FGR: variants seen among roughly 807,000 people sequenced by gnomAD.
The protein encoded by FGR is tyrosine-protein kinase Fgr.
Under a neutral mutation model 63.2 loss-of-function variants are expected in FGR, and 26 were observed. The ratio of observed to expected loss-of-function variants is 0.41; its 90% confidence interval spans 0.30 to 0.57. The LOEUF (loss-of-function observed/expected upper bound fraction) is 0.57, where lower values mean the gene tolerates loss of function less well. Among genes scored for constraint, FGR ranks in the 20% least tolerant of loss-of-function variants. FGR has a pLI of 0.27. For missense variants in FGR, 511 were observed against 690.8 expected, an observed-to-expected ratio of 0.74 and a Z score of 2.92; for synonymous variants, 286 against 277.7, an observed-to-expected ratio of 1.03 and a Z score of -0.30.
chr1:27,634,375 C>G (rs1193698399), intron 1 of FGR, among the ~76,000 whole-genome samples: 1 of 152,158 alleles, frequency 6.6e-6, no homozygotes, highest in Non-Finnish European at 1.5e-5. Context: ...CGGGGACCCA[C>G]GCCTCGCGCG....
At position 27,617,161 on chromosome 1, in the gene FGR, C is replaced by T. The variant is rs370243200; in HGVS notation, c.532+32G>A. On this transcript the variant is annotated intron_variant, in intron 6 of 12. Transcript: ENST00000374005. This position sits in a 1 kb window ranked among gnomAD's most constrained non-coding sequence, Gnocchi z 4.5. ...AGCCCTACCCCAATGGCTGGGCCTC[C>T]CAGTCGCCTTGGGGCGTGGCACCAC... is the stretch of plus-strand genomic sequence containing the variant. The T allele has an allele frequency of 1.2e-4, 199 of 1,605,756 alleles. No individual in the cohort carries two copies. Among genetic ancestry groups the T allele is most frequent in the Non-Finnish European group, 7.3e-5 (86 of 1,172,828 alleles).
At chr1:27,624,727 G>A (rs564219281) in intron 2 of FGR, among the ~76,000 whole-genome samples, 1 of 152,230 alleles carries the variant, frequency 6.6e-6, no homozygotes, top group East Asian at 1.9e-4. Context: ...CTGTCTGTGT[G>A]AGTGGGTGTC....
At chr1:27,630,752 T>A (rs959763064) in intron 1 of FGR, among the ~76,000 whole-genome samples, 12 of 152,148 alleles carry the variant, frequency 7.9e-5, no homozygotes, top group African/African-American at 2.9e-4. Context: ...GTTCTGTTTA[T>A]AAATATGTCT....
Position 27,617,037 on chromosome 1 carries a change from TCTC to T in FGR, c.533-34_533-32del, listed in dbSNP as rs2089826752. 3 of 1,613,328 alleles carry T rather than the reference TCTC, an allele frequency of 1.9e-6. No individual in the cohort carries two copies. The highest frequency in any genetic ancestry group is 2.5e-6 in the Non-Finnish European group (3 of 1,179,770). ...GAGAGGATCACTTTTGATCTGCTGT[TCTC>T]CTCTGCCCTAGTCTGGGAGCTGGGA... On this transcript the variant is annotated intron_variant, in intron 6 of 12. Transcript: ENST00000374005. The surrounding 1 kb of genome is among the most constrained non-coding windows in gnomAD (Gnocchi z 4.5).
intron 1 of FGR, among the ~76,000 whole-genome samples, chr1:27,633,314 G>C (rs2090132554): frequency 6.6e-6 from 1 of 152,180 alleles, no homozygotes; most frequent in African/African-American, 2.4e-5. Flanking sequence ...TCTGTGAAGT[G>C]GGAACAGGGT....
rs370937406 is a variant in FGR at position 27,632,418 on chromosome 1, G to A, written c.-77+2647C>T. Among the ~76,000 whole-genome samples, 12 of 152,146 alleles carry A rather than the reference G, an allele frequency of 7.9e-5. No homozygotes were observed. In the East Asian group the frequency reaches 1.9e-3, roughly 25 times the overall value. On this transcript the variant is annotated intron_variant, in intron 1 of 12. Coordinates refer to ENST00000374005, the MANE Select transcript of FGR (RefSeq NM_005248.3). Reference sequence around the variant, plus strand: ...CTCCTAAAGTGCTGGGATTACAGGCGTGAGCCACCGTGCCCTGCCTTCATT... The same window carrying A: ...CTCCTAAAGTGCTGGGATTACAGGCATGAGCCACCGTGCCCTGCCTTCATT...
In FGR at chr1:27,614,923, C is replaced by A; in HGVS notation, c.1022G>T (p.Ser341Ile). The change falls in exon 10 of 13, where the codon AGC becomes ATC. Residue 341 changes from serine (S) to isoleucine (I), a missense_variant. Physicochemically the swap from Ser to Ile is moderately radical, Grantham distance 142. Transcript: ENST00000374005. ...TGGGTTCTTGAGAAAATCCAGCAAG[C>A]TGCCTGGGAAGAAGCCAGAAAGTCA... ...YIVTEFMCHG[S>I]LLDFLKNPEG... The A allele has an allele frequency of 6.3e-7, 1 of 1,596,464 alleles. No individual in the cohort carries two copies. Among genetic ancestry groups the A allele is most frequent in the Non-Finnish European group, 8.5e-7 (1 of 1,170,010 alleles).
At position 27,627,447 on chromosome 1, in the gene FGR, A is replaced by AACACACACAC. The variant is rs3076985; in HGVS notation, c.-76-2306_-76-2297dup. ...CTGCACATAGATGTGCATGCACATG[A>AACACACACAC]ACACACACACACACACACACACACA... is the stretch of plus-strand genomic sequence containing the variant. On this transcript the variant is annotated intron_variant, in intron 1 of 12. Transcript: ENST00000374005. 1.5e-3 allele frequency among the ~76,000 whole-genome samples: 222 copies of AACACACACAC among 148,492 alleles called. 1 individual carries two copies. The highest frequency in any genetic ancestry group is 5.0e-3 in the African/African-American group (204 of 40,484).
rs973180170 is a variant in FGR, at chr1:27,615,875, G to C, written c.683-31C>G. The C allele has an allele frequency of 1.9e-6, 3 of 1,539,804 alleles. No homozygotes were observed. Among genetic ancestry groups the C allele is most frequent in the Middle Eastern group, 1.7e-4 (1 of 5,848 alleles). ...GGAGGGGTCATGAAGTAGAGTCACA[G>C]GTGGGCCAGGACACCCCCCTCCACT... is the stretch of plus-strand genomic sequence containing the variant. On this transcript the variant is annotated intron_variant, in intron 7 of 12. Coordinates refer to ENST00000374005, the MANE Select transcript of FGR (RefSeq NM_005248.3). This position sits in a 1 kb window ranked among gnomAD's most constrained non-coding sequence, Gnocchi z 7.6.
chr1:27,619,988 G>A (rs1341552706), intron 5 of FGR, among the ~76,000 whole-genome samples: 1 of 152,032 alleles, frequency 6.6e-6, no homozygotes, highest in African/African-American at 2.4e-5. Context: ...AGCTTTTTGA[G>A]CCTCAGTTTC....
At chr1:27,624,527 C>T (rs1273132019) in intron 2 of FGR, among the ~76,000 whole-genome samples, 1 of 152,144 alleles carries the variant, frequency 6.6e-6, no homozygotes, top group Non-Finnish European at 1.5e-5. Flanking sequence ...TTGTGTGTCT[C>T]TAAGTATGGG....
At position 27,615,416 on chromosome 1, in the gene FGR, C is replaced by G; in HGVS notation, c.1018+18G>C. ...AACTTCACCCCGAATCCCGCCCGACCAGGCTCCGCCTCCTGACCGTGACAC... is the reference window on the plus strand; with the variant it reads ...AACTTCACCCCGAATCCCGCCCGACGAGGCTCCGCCTCCTGACCGTGACAC... On this transcript the variant is annotated intron_variant, in intron 9 of 12. Coordinates refer to ENST00000374005, the MANE Select transcript of FGR (RefSeq NM_005248.3). This position sits in a 1 kb window ranked among gnomAD's most constrained non-coding sequence, Gnocchi z 7.6. 2 of 1,590,100 alleles carry G rather than the reference C, an allele frequency of 1.3e-6. No homozygotes were observed. Among genetic ancestry groups the G allele is most frequent in the Non-Finnish European group, 1.7e-6 (2 of 1,160,914 alleles).
intron 5 of FGR, among the ~76,000 whole-genome samples, chr1:27,621,032 GA>G (rs1255971972): frequency 5.6e-5 from 5 of 89,548 alleles, no homozygotes; most frequent in East Asian, 2.9e-4. Context: ...AAGAAAGAAA[GA>G]AAAGAAAAGA....
intron 5 of FGR, among the ~76,000 whole-genome samples, chr1:27,618,721 C>G (rs1468542012): frequency 1.3e-5 from 2 of 152,340 alleles, no homozygotes; most frequent in African/African-American, 2.4e-5. Flanking sequence ...CAGCAGCCTC[C>G]ACCTGCATGC....
At position 27,620,952 on chromosome 1, in the gene FGR, A is replaced by T. The variant is rs548715845; in HGVS notation, c.428+607T>A. On this transcript the variant is annotated intron_variant, in intron 5 of 12. Coordinates refer to ENST00000374005, the MANE Select transcript of FGR (RefSeq NM_005248.3). ...CGGTGAGCCGAGATTGTGCCACTAC[A>T]CTACACTCTAGCCTAGGCAACAGAG... Among the ~76,000 whole-genome samples the T allele has an allele frequency of 1.2e-4, 17 of 143,098 alleles. 1 individual carries two copies. In the South Asian group the frequency reaches 3.8e-3, roughly 32 times the overall value. The allele number at this position is 143,098 out of a possible 152,430, so 93.9% of individuals were successfully genotyped here.
chr1:27,623,023 A>G lies in FGR; in HGVS notation c.329+19T>C. On this transcript the variant is annotated intron_variant, in intron 4 of 12. Transcript: ENST00000374005. Reference sequence around the variant, plus strand: ...TCCCAGCCCAGGCAATGTTCTGACTAGGTGGCCTGGTCACTTACGTATTGT... The same window carrying G: ...TCCCAGCCCAGGCAATGTTCTGACTGGGTGGCCTGGTCACTTACGTATTGT... The G allele has an allele frequency of 1.9e-6, 3 of 1,563,126 alleles. No individual in the cohort carries two copies. Among genetic ancestry groups the G allele is most frequent in the Non-Finnish European group, 2.6e-6 (3 of 1,133,460 alleles).
chr1:27,632,899 G>A (rs971297605), intron 1 of FGR, among the ~76,000 whole-genome samples: 1 of 152,118 alleles, frequency 6.6e-6, no homozygotes, highest in Non-Finnish European at 1.5e-5. Context: ...TCTGCTCTGC[G>A]TGGGAAGAGC....
intron 1 of FGR, among the ~76,000 whole-genome samples, chr1:27,634,477 C>T (rs943532988): frequency 6.6e-6 from 1 of 152,188 alleles, no homozygotes; most frequent in Non-Finnish European, 1.5e-5. Flanking sequence ...CGTTACCCTG[C>T]GGGCTGTGGG....
chr1:27,614,958 C>T (rs1440461952), intron 9 of FGR, 32 bp from the exon 10 acceptor site: 2 of 1,558,546 alleles, frequency 1.3e-6, no homozygotes, highest in Non-Finnish European at 1.7e-6. Context: ...AGCGGCAAAG[C>T]CCTACCCCGG....
Sources: allele counts gnomAD v4.1 joint callset (sites outside exome capture counted in the v4.1 genomes callset), GRCh38; gene constraint gnomAD v4.1.1; non-coding constraint Gnocchi (gnomAD v3.1); transcripts MANE v1.5; gene names NCBI Gene and HGNC (gene_info 2026-07-23, HGNC 2026-07-21).